Variants in RBFOX1 observed in about 807,000 individuals in gnomAD.
The protein encoded by RBFOX1 is RNA binding fox-1 homolog 1, also known as RNA binding protein fox-1 homolog 1.
A neutral mutation model predicts 57.7 loss-of-function variants in RBFOX1; 8 were observed. The ratio of observed to expected loss-of-function variants is 0.14; its 90% CI spans 0.08 to 0.25. The LOEUF is 0.25. Ranked by LOEUF, RBFOX1 falls within the 10% of genes least tolerant of loss-of-function variation. The pLI is 1.00. For missense variants in RBFOX1, 611 were observed against 548.5 expected (o/e 1.11, Z -1.14); for synonymous variants, 326 against 222.4 (o/e 1.47, Z -4.15).
At chr16:6,530,284 C>T (rs1199603121) in intron 2 of RBFOX1, among the ~76,000 whole-genome samples, 1 of 152,072 alleles carries the variant, frequency 6.6e-6, no homozygotes, top group Non-Finnish European at 1.5e-5. Context: ...CAACAGTGTG[C>T]TTGCATTCCT....
At chr16:7,184,227 GA>G (rs1403288457) in intron 4 of RBFOX1, among the ~76,000 whole-genome samples, 1 of 152,228 alleles carries the variant, frequency 6.6e-6, no homozygotes, top group Non-Finnish European at 1.5e-5. Flanking sequence ...GCAGATCAAG[GA>G]GGACTTCTTT....
intron 9 of RBFOX1, among the ~76,000 whole-genome samples, chr16:7,604,091 T>G (rs1273241836): frequency 6.6e-6 from 1 of 152,104 alleles, no homozygotes; most frequent in African/African-American, 2.4e-5. Context: ...ACATGGGGTA[T>G]GAGGGTAAGA....
At chr16:7,468,157 CCA>C (rs1396464384) in intron 4 of RBFOX1, among the ~76,000 whole-genome samples, 12 of 152,124 alleles carry the variant, frequency 7.9e-5, no homozygotes, top group Non-Finnish European at 8.8e-5. Flanking sequence ...CATTAAATCT[CCA>C]CAGTAAAGTT....
rs1464029546 is a variant in RBFOX1 at position 7,029,698 on chromosome 16, ACT to A, written c.-15-22356_-15-22355del. ...CAAAACAGATGAAAGAAGCTGGGAG[ACT>A]CTATAATTATAGGGTGGTAGCATCT... On this transcript the variant is annotated intron_variant, in intron 3 of 15. Transcript: ENST00000550418. 2.6e-5 allele frequency among the ~76,000 whole-genome samples: 4 copies of A among 152,042 alleles called. 1 individual carries two copies. The South Asian group carries it at 6.2e-4, about 24-fold the overall frequency.
intron 2 of RBFOX1, among the ~76,000 whole-genome samples, chr16:6,327,136 C>A (rs552183810): frequency 7.0e-4 from 106 of 152,338 alleles, no homozygotes; most frequent in African/African-American, 2.4e-3. Flanking sequence ...TCTGCAATCC[C>A]AGTCCAGATG....
At chr16:6,850,397 G>C (rs1017182960) in intron 3 of RBFOX1, among the ~76,000 whole-genome samples, 3 of 152,156 alleles carry the variant, frequency 2.0e-5, no homozygotes, top group Non-Finnish European at 4.4e-5. Context: ...TGGTCCTGGA[G>C]GGCTTCTCTG....
chr16:6,390,751 C>A lies in RBFOX1; in HGVS notation c.-64+73694C>A, dbSNP rs2109459. ...ATAAGTAGGGAGCACCTATAAATAT[C>A]GGGGCAGGGGGTTAGTTTTGAGCAG... is the stretch of plus-strand genomic sequence containing the variant. On this transcript the variant is annotated intron_variant, in intron 2 of 15. Transcript: ENST00000550418. 6.8e-3 allele frequency among the ~76,000 whole-genome samples: 1,032 copies of A among 151,930 alleles called. 8 individuals carry two copies. Among genetic ancestry groups the A allele is most frequent in the African/African-American group, 0.024 (997 of 41,414 alleles).
chr16:5,996,917 A>T (rs889659211), intron 4 of RBFOX1, among the ~76,000 whole-genome samples: 1 of 152,212 alleles, frequency 6.6e-6, no homozygotes, highest in African/African-American at 2.4e-5. Context: ...AACCACAGTT[A>T]CTTTTGCATC....
chr16:6,876,489 C>T (rs889587025), intron 3 of RBFOX1, among the ~76,000 whole-genome samples: 3 of 152,304 alleles, frequency 2.0e-5, no homozygotes, highest in East Asian at 1.9e-4. Context: ...ATTTTATCTT[C>T]ATCACATAGC....
chr16:5,406,087 A>G (rs958881458), intron 1 of RBFOX1, among the ~76,000 whole-genome samples: 4 of 152,190 alleles, frequency 2.6e-5, no homozygotes, highest in Non-Finnish European at 1.5e-5. Context: ...CAACTTATGT[A>G]TTTGAAATCT....
At chr16:7,130,258 C>T (rs2069900104) in intron 4 of RBFOX1, among the ~76,000 whole-genome samples, 2 of 152,190 alleles carry the variant, frequency 1.3e-5, no homozygotes, top group East Asian at 1.9e-4. Context: ...TGGTCTTGAA[C>T]TCCTGACCTC....
At chr16:6,696,954 G>A (rs1603438870) in intron 3 of RBFOX1, among the ~76,000 whole-genome samples, 1 of 152,276 alleles carries the variant, frequency 6.6e-6, no homozygotes, top group East Asian at 1.9e-4. Context: ...AATGCCTGTA[G>A]CCTCTAGTTG....
intron 4 of RBFOX1, among the ~76,000 whole-genome samples, chr16:7,473,824 G>C (rs2062053865): frequency 6.6e-6 from 1 of 152,070 alleles, no homozygotes; most frequent in African/African-American, 2.4e-5. Context: ...TTTCTTCATA[G>C]ACAATTCTAG....
chr16:5,771,191 C>T (rs997254388), intron 3 of RBFOX1, among the ~76,000 whole-genome samples: 8 of 152,210 alleles, frequency 5.3e-5, no homozygotes, highest in Non-Finnish European at 2.9e-5. Context: ...GCGGGGCTAC[C>T]CCATAGGCAG....
chr16:6,311,064 A>G (rs1442947363), intron 1 of RBFOX1, among the ~76,000 whole-genome samples: 1 of 152,240 alleles, frequency 6.6e-6, no homozygotes, highest in African/African-American at 2.4e-5. Context: ...TGGGAGGCCA[A>G]GGCGGGCAAA....
At chr16:7,194,539 A>T (rs2086210699) in intron 4 of RBFOX1, among the ~76,000 whole-genome samples, 1 of 152,162 alleles carries the variant, frequency 6.6e-6, no homozygotes, top group Non-Finnish European at 1.5e-5. Flanking sequence ...CCAAACAGAT[A>T]CTCATTACTA....
intron 2 of RBFOX1, among the ~76,000 whole-genome samples, chr16:5,509,311 A>G (rs1196226679): frequency 1.3e-5 from 2 of 152,186 alleles, no homozygotes; most frequent in Non-Finnish European, 2.9e-5. Context: ...CAGACAGGGG[A>G]TGTCCCACAG....
chr16:5,280,188 A>G (rs2063237720), intron 1 of RBFOX1, among the ~76,000 whole-genome samples: 1 of 152,228 alleles, frequency 6.6e-6, no homozygotes, highest in East Asian at 1.9e-4. Flanking sequence ...ATCTGCTGAG[A>G]TGATCAGATA....
intron 1 of RBFOX1, among the ~76,000 whole-genome samples, chr16:6,213,669 G>A (rs978691028): frequency 6.6e-6 from 1 of 152,196 alleles, no homozygotes; most frequent in Non-Finnish European, 1.5e-5. Context: ...ATAAAGAGAA[G>A]AAGAAATACT....
Sources: gnomAD v4.1 joint callset for allele counts (sites outside exome capture counted in the v4.1 genomes callset) on GRCh38, gnomAD v4.1.1 for gene constraint, MANE v1.5 for transcripts, NCBI Gene and HGNC (gene_info 2026-07-23, HGNC 2026-07-21) for gene names.